Variants in CTNNBIP1 observed in about 807,000 individuals in gnomAD.
CTNNBIP1 encodes the protein beta-catenin-interacting protein 1.
A neutral mutation model predicts 11.8 loss-of-function variants in CTNNBIP1; 7 were observed. The ratio of observed to expected loss-of-function variants is 0.60; its 90% CI spans 0.34 to 1.12. The LOEUF (loss-of-function observed/expected upper bound fraction) is 1.12. Among genes scored for constraint, CTNNBIP1 ranks in the 50% most tolerant of loss-of-function variants. The pLI, the probability that CTNNBIP1 is intolerant of heterozygous loss-of-function variation, is 0.03. For synonymous variants in CTNNBIP1, 58 were observed against 43.9 expected (o/e 1.32, Z -1.26); for missense variants, 101 against 113.4 (o/e 0.89, Z 0.50).
intron 5 of CTNNBIP1, among the ~76,000 whole-genome samples, chr1:9,864,741 C>T (rs1638709099): frequency 6.6e-6 from 1 of 152,242 alleles, no homozygotes; most frequent in African/African-American, 2.4e-5. Flanking sequence ...TGCTGGGCAC[C>T]ACCCCAGTGC....
chr1:9,873,605 G>C (rs1325299121), intron 3 of CTNNBIP1, among the ~76,000 whole-genome samples: 8 of 152,194 alleles, frequency 5.3e-5, no homozygotes, highest in Non-Finnish European at 7.3e-5. Flanking sequence ...CCCCGAACCT[G>C]GGTGTGGATG....
chr1:9,902,724 T>C (rs759464344), intron 1 of CTNNBIP1, among the ~76,000 whole-genome samples: 11 of 152,152 alleles, frequency 7.2e-5, no homozygotes, highest in Non-Finnish European at 1.3e-4. Flanking sequence ...ATAATAAGCC[T>C]TTTGGTCCTA....
intron 1 of CTNNBIP1, among the ~76,000 whole-genome samples, chr1:9,904,193 C>A (rs182148557): frequency 1.9e-4 from 29 of 152,310 alleles, no homozygotes; most frequent in African/African-American, 6.7e-4. Flanking sequence ...TGACATATGA[C>A]TAGCAGGCAT....
Position 9,850,699 on chromosome 1 carries a change from T to C in CTNNBIP1, c.*19A>G, listed in dbSNP as rs975383729. 5.6e-6 allele frequency: 9 copies of C among 1,612,606 alleles called. No individual in the cohort carries two copies. Among genetic ancestry groups the C allele is most frequent in the Non-Finnish European group, 7.6e-6 (9 of 1,178,776 alleles). On this transcript the variant is annotated 3_prime_UTR_variant, in exon 6 of 6. Transcript: ENST00000377263. ...TCTTGGCCCTCAACAGCATCCAGGGTGTTCCAAGGGCTTTGCAGCTACTGC... is the reference window on the plus strand; with the variant it reads ...TCTTGGCCCTCAACAGCATCCAGGGCGTTCCAAGGGCTTTGCAGCTACTGC...
chr1:9,862,797 G>C (rs1202136714), intron 5 of CTNNBIP1, among the ~76,000 whole-genome samples: 1 of 152,204 alleles, frequency 6.6e-6, no homozygotes, highest in African/African-American at 2.4e-5. Flanking sequence ...TCACACGCCA[G>C]TCTGCTCTGC....
chr1:9,866,237 G>A (rs540839696), intron 5 of CTNNBIP1, among the ~76,000 whole-genome samples: 110 of 152,314 alleles, frequency 7.2e-4, no homozygotes, highest in African/African-American at 2.5e-3. Context: ...GTAAGGTGGG[G>A]GTGAAGGCTG....
At chr1:9,852,151 G>C (rs942828982) in intron 5 of CTNNBIP1, among the ~76,000 whole-genome samples, 2 of 152,144 alleles carry the variant, frequency 1.3e-5, no homozygotes, top group Non-Finnish European at 2.9e-5. Flanking sequence ...TCAGCAGAGT[G>C]AGCCGGCCTC....
intron 5 of CTNNBIP1, among the ~76,000 whole-genome samples, chr1:9,860,295 G>A (rs371880986): frequency 6.6e-6 from 1 of 151,910 alleles, no homozygotes; most frequent in East Asian, 1.9e-4. Flanking sequence ...ACCCAATTCA[G>A]AACCAGGATT....
chr1:9,905,740 A>C (rs2101550643), intron 1 of CTNNBIP1, among the ~76,000 whole-genome samples: 1 of 151,992 alleles, frequency 6.6e-6, no homozygotes, highest in African/African-American at 2.4e-5. Context: ...TCACCACCCT[A>C]CATTCTTTTG....
At chr1:9,895,122 T>C (rs758993242) in intron 1 of CTNNBIP1, among the ~76,000 whole-genome samples, 2 of 151,894 alleles carry the variant, frequency 1.3e-5, no homozygotes, top group Admixed American at 1.3e-4. Flanking sequence ...TTAGCCAAGA[T>C]GGTCTCGATC....
intron 5 of CTNNBIP1, among the ~76,000 whole-genome samples, chr1:9,857,179 C>T (rs1638522821): frequency 6.6e-6 from 1 of 150,918 alleles, no homozygotes. Flanking sequence ...TGGAGAAAAC[C>T]CCAATTTAAA....
intron 5 of CTNNBIP1, among the ~76,000 whole-genome samples, chr1:9,856,513 C>CTTTT (rs149518763): frequency 7.7e-6 from 1 of 129,600 alleles, no homozygotes. Flanking sequence ...GTAAAAAATT[C>CTTTT]TTTTTTTTTT....
intron 2 of CTNNBIP1, among the ~76,000 whole-genome samples, chr1:9,881,826 G>A (rs1002654664): frequency 6.6e-6 from 1 of 152,150 alleles, no homozygotes; most frequent in African/African-American, 2.4e-5. Flanking sequence ...GGTACACACA[G>A]CCCTGAACCA....
intron 5 of CTNNBIP1, among the ~76,000 whole-genome samples, chr1:9,858,458 T>C (rs554759066): frequency 6.6e-6 from 1 of 152,310 alleles, no homozygotes; most frequent in South Asian, 2.1e-4. Flanking sequence ...GCCAGCTACA[T>C]GGGCCCCTGG....
intron 1 of CTNNBIP1, among the ~76,000 whole-genome samples, chr1:9,905,251 C>T (rs986363128): frequency 3.3e-5 from 5 of 152,164 alleles, no homozygotes; most frequent in African/African-American, 1.2e-4. Flanking sequence ...ACACTCCAGC[C>T]CCTCTGGGTT....
intron 1 of CTNNBIP1, among the ~76,000 whole-genome samples, chr1:9,891,484 T>A (rs1639298376): frequency 6.6e-6 from 1 of 152,178 alleles, no homozygotes; most frequent in African/African-American, 2.4e-5. Context: ...CAGCTTCCTG[T>A]GGTGAGGATT....
At chr1:9,891,513 G>A (rs1244688678) in intron 1 of CTNNBIP1, among the ~76,000 whole-genome samples, 1 of 152,166 alleles carries the variant, frequency 6.6e-6, no homozygotes, top group East Asian at 1.9e-4. Context: ...AAATCAATTG[G>A]ATCGGCTGCA....
intron 1 of CTNNBIP1, among the ~76,000 whole-genome samples, chr1:9,900,071 GA>G (rs747434164): frequency 1.5e-3 from 185 of 122,242 alleles, no homozygotes; most frequent in East Asian, 9.5e-3. Flanking sequence ...TCCGTCTCAA[GA>G]AAAAAAAAAA....
At chr1:9,887,596 G>A (rs1002174133) in intron 1 of CTNNBIP1, among the ~76,000 whole-genome samples, 3 of 151,866 alleles carry the variant, frequency 2.0e-5, no homozygotes, top group East Asian at 3.9e-4. Context: ...CCAGCTACTC[G>A]GGAGGCTGAG....
Sources: allele counts gnomAD v4.1 joint callset (sites outside exome capture counted in the v4.1 genomes callset), GRCh38; gene constraint gnomAD v4.1.1; transcripts MANE v1.5; gene names NCBI Gene and HGNC (gene_info 2026-07-23, HGNC 2026-07-21).